Variants in CPNE4 observed in about 807,000 individuals in gnomAD.
CPNE4 encodes the protein copine-4.
Under a neutral mutation model 67.9 loss-of-function variants are expected in CPNE4, and 25 were observed. That is an observed-to-expected ratio of 0.37 (90% CI 0.27 to 0.51). CPNE4 has a LOEUF of 0.51. Ranked by LOEUF, CPNE4 falls within the 20% of genes least tolerant of loss-of-function variation. CPNE4 has a pLI of 0.93. For missense variants in CPNE4, 464 were observed against 690.8 expected, an observed-to-expected ratio of 0.67 and a Z score of 3.68; for synonymous variants, 242 against 244.9, an observed-to-expected ratio of 0.99 and a Z score of 0.11.
At chr3:131,981,320 GGGCTA>G (rs1355881587) in intron 1 of CPNE4, among the ~76,000 whole-genome samples, 2 of 151,980 alleles carry the variant, frequency 1.3e-5, no homozygotes, top group Non-Finnish European at 2.9e-5. Context: ...GGTGGGGGTG[GGGCTA>G]GGCATGTTTG....
intron 2 of CPNE4, among the ~76,000 whole-genome samples, chr3:131,903,420 A>G (rs2107770856): frequency 6.6e-6 from 1 of 152,254 alleles, no homozygotes; most frequent in East Asian, 1.9e-4. Flanking sequence ...GGAAAAAAAA[A>G]ACAGACAAAC....
chr3:131,599,195 A>G (rs1939067374), intron 7 of CPNE4, among the ~76,000 whole-genome samples: 1 of 152,238 alleles, frequency 6.6e-6, no homozygotes, highest in Non-Finnish European at 1.5e-5. Flanking sequence ...TTGACACAAA[A>G]TTAGTTTAAT....
At chr3:131,999,240 G>GGAAAAAAA (rs2073366807) in intron 1 of CPNE4, among the ~76,000 whole-genome samples, 1 of 10,356 alleles carries the variant, frequency 9.7e-5, no homozygotes, top group Non-Finnish European at 2.4e-4. Flanking sequence ...TTTATCCAAG[G>GGAAAAAAA]TAAAAAAAAA....
intron 10 of CPNE4, among the ~76,000 whole-genome samples, chr3:131,565,574 C>A (rs1218841549): frequency 6.6e-6 from 1 of 151,954 alleles, no homozygotes; most frequent in Non-Finnish European, 1.5e-5. Context: ...TGATATTGTA[C>A]CCTGCAATCA....
At chr3:131,897,818 G>A (rs2088394818) in intron 2 of CPNE4, among the ~76,000 whole-genome samples, 1 of 151,906 alleles carries the variant, frequency 6.6e-6, no homozygotes, top group Non-Finnish European at 1.5e-5. Context: ...TTTGATCCCA[G>A]GAATTTGAGA....
chr3:131,873,459 T>C (rs2087301038), intron 2 of CPNE4, among the ~76,000 whole-genome samples: 2 of 152,192 alleles, frequency 1.3e-5, no homozygotes, highest in South Asian at 4.1e-4. Context: ...CTTATCTGAA[T>C]ATTCTGATCT....
intron 2 of CPNE4, among the ~76,000 whole-genome samples, chr3:131,821,174 G>A (rs959724923): frequency 6.6e-6 from 1 of 152,138 alleles, no homozygotes; most frequent in East Asian, 1.9e-4. Flanking sequence ...ATAATCCAAC[G>A]TTTTCATTGA....
rs143728739 is a variant in CPNE4, at chr3:131,564,390, A to T, written c.928-41T>A. On this transcript the variant is annotated intron_variant, in intron 10 of 15. Transcript: ENST00000429747. ...ACAAGAAAAGGTAAATTTAAAGTGG[A>T]TGCATCTCCTAAGAATTGTGATCAG... 5 of 1,584,328 alleles carry T rather than the reference A, an allele frequency of 3.2e-6. No individual in the cohort carries two copies. In the East Asian group the frequency reaches 1.1e-4, roughly 36 times the overall value.
At chr3:131,782,432 T>C (rs2083452309) in intron 2 of CPNE4, among the ~76,000 whole-genome samples, 2 of 152,038 alleles carry the variant, frequency 1.3e-5, no homozygotes, top group African/African-American at 2.4e-5. Flanking sequence ...TAGACATATA[T>C]AAATTCAGTT....
At chr3:131,582,326 T>C (rs1937891260) in intron 8 of CPNE4, among the ~76,000 whole-genome samples, 1 of 152,150 alleles carries the variant, frequency 6.6e-6, no homozygotes, top group African/African-American at 2.4e-5. Flanking sequence ...GGCTGGGAAT[T>C]AAGGAGTCAG....
intron 3 of CPNE4, 74 bp from the exon 4 acceptor site, chr3:131,700,054 C>T (rs892667024): frequency 6.2e-4 from 158 of 254,710 alleles, no homozygotes; most frequent in East Asian, 1.3e-3. Flanking sequence ...TTTTTTAAAC[C>T]TTTTTTTTTT....
At chr3:131,848,012 G>C (rs796267070) in intron 2 of CPNE4, among the ~76,000 whole-genome samples, 18 of 152,244 alleles carry the variant, frequency 1.2e-4, no homozygotes, top group African/African-American at 4.3e-4. Context: ...CAGAAGACTT[G>C]TATGTCCACT....
intron 2 of CPNE4, among the ~76,000 whole-genome samples, chr3:131,779,242 T>A (rs1317899245): frequency 1.3e-5 from 2 of 152,128 alleles, no homozygotes; most frequent in Admixed American, 1.3e-4. Context: ...ATTAATATTG[T>A]TAAAATGACC....
intron 12 of CPNE4, among the ~76,000 whole-genome samples, chr3:131,554,832 C>T (rs1203325226): frequency 1.3e-5 from 2 of 151,964 alleles, no homozygotes; most frequent in Non-Finnish European, 2.9e-5. Flanking sequence ...AGGCCCTGTC[C>T]ACCTAGTGGG....
At chr3:131,554,212 C>A (rs948092675) in intron 12 of CPNE4, among the ~76,000 whole-genome samples, 21 of 152,118 alleles carry the variant, frequency 1.4e-4, no homozygotes, top group South Asian at 4.1e-4. Flanking sequence ...TGGGCATTCA[C>A]CTGTTTACAT....
chr3:131,585,120 A>T (rs575483407), intron 8 of CPNE4, among the ~76,000 whole-genome samples: 2 of 152,210 alleles, frequency 1.3e-5, no homozygotes, highest in Admixed American at 6.6e-5. Context: ...TTAATCATTA[A>T]GGGGCCTCAA....
intron 5 of CPNE4, among the ~76,000 whole-genome samples, chr3:131,694,554 A>G (rs115769292): frequency 2.3e-3 from 348 of 152,268 alleles, no homozygotes; most frequent in Non-Finnish European, 3.4e-3. Context: ...AACTAAAAGA[A>G]TGCAGCAGCA....
chr3:131,921,915 GCT>G (rs2070748636), intron 1 of CPNE4, among the ~76,000 whole-genome samples: 1 of 152,094 alleles, frequency 6.6e-6, no homozygotes, highest in South Asian at 2.1e-4. Context: ...TATCAAGCAG[GCT>G]CTTTTTGATA....
At position 131,555,506 on chromosome 3, in the gene CPNE4, T is replaced by C. The variant is rs752813662; in HGVS notation, c.1107A>G (p.Pro369=). 3.2e-5 allele frequency: 52 copies of C among 1,612,506 alleles called. No individual in the cohort carries two copies. The South Asian group carries it at 5.7e-4, about 18-fold the overall frequency. ...PAFGFGARIP[P]EYTVSHDFAI... ...ATCTCCACTCACTCACCGTGTACTC[T>C]GGAGGTATCCTGGCGCCAAACCCAA... The change falls in exon 12 of 16, where the codon CCA becomes CCG. Residue 369 remains proline (P), a synonymous_variant. Transcript: ENST00000429747.
Sources: gnomAD v4.1 joint callset for allele counts (sites outside exome capture counted in the v4.1 genomes callset) on GRCh38, gnomAD v4.1.1 for gene constraint, MANE v1.5 for transcripts, NCBI Gene and HGNC (gene_info 2026-07-23, HGNC 2026-07-21) for gene names.